OR56A1: variants seen among roughly 807,000 people sequenced by gnomAD.
OR56A1 encodes the protein olfactory receptor 56A1.
For synonymous variants in OR56A1, 174 were observed against 159.1 expected (o/e 1.09, Z -0.70); for missense variants, 360 against 380.9 (o/e 0.94, Z 0.46).
upstream of OR56A1, among the ~76,000 whole-genome samples, chr11:6,034,060 C>T (rs1015694143): frequency 6.6e-6 from 1 of 152,124 alleles, no homozygotes; most frequent in African/African-American, 2.4e-5. Context: ...ACATACCCTA[C>T]CCAAGTAAGA....
In OR56A1 at chr11:6,024,161, T is replaced by C. The variant is rs1049549557; in HGVS notation, c.*2587A>G. The C allele has an allele frequency of 6.6e-6, 1 of 152,204 alleles. No individual in the cohort carries two copies. The highest frequency in any genetic ancestry group is 2.4e-5 in the African/African-American group (1 of 41,446). The allele number at this position is 152,204 out of a possible 1,614,324, so 9.4% of individuals were successfully genotyped here. On this transcript the variant is annotated 3_prime_UTR_variant, in exon 2 of 2. Transcript: ENST00000641900. ...TTTTTCAACTCTTCTTTTAGCCAAT[T>C]CAATATCATAAGTAAGGAAATGTTT...
At chr11:6,033,772 A>C (rs1202370958), upstream of OR56A1, among the ~76,000 whole-genome samples, 1 of 152,194 alleles carries the variant, frequency 6.6e-6, no homozygotes, top group East Asian at 1.9e-4. Context: ...GAGAAATCAC[A>C]GAAAAAATGA....
chr11:6,022,861 C>T lies in OR56A1; in HGVS notation c.*3887G>A, dbSNP rs900930745. ...GGTGCAGAAATGTTGTTATTATATA[C>T]AGTACTCAGCCAAATGCTGATAGTG... On this transcript the variant is annotated 3_prime_UTR_variant, in exon 2 of 2. Coordinates refer to ENST00000641900, the MANE Select transcript of OR56A1 (RefSeq NM_001388488.1). The T allele has an allele frequency of 6.6e-6, 1 of 152,152 alleles. No individual in the cohort carries two copies. The highest frequency in any genetic ancestry group is 1.5e-5 in the Non-Finnish European group (1 of 68,020). 9.4% of individuals were successfully genotyped at this position (152,152 alleles called of 1,614,324 possible). A position where few individuals can be genotyped will look rare whatever the true frequency, so the allele number is the denominator to read the frequency against.
intron 1 of OR56A1, among the ~76,000 whole-genome samples, chr11:6,030,172 T>C (rs1042986041): frequency 6.6e-6 from 1 of 152,150 alleles, no homozygotes; most frequent in African/African-American, 2.4e-5. Flanking sequence ...CAAGTACTAT[T>C]ACCTCGAGTA....
upstream of OR56A1, among the ~76,000 whole-genome samples, chr11:6,032,935 C>T (rs1218342202): frequency 6.6e-6 from 1 of 152,086 alleles, no homozygotes. Context: ...TGAGTCTTCC[C>T]TCTGTTTGAA....
In OR56A1 at chr11:6,023,698, A is replaced by C. The variant is rs1363710613; in HGVS notation, c.*3050T>G. 2 of 152,198 alleles carry C rather than the reference A, an allele frequency of 1.3e-5. No individual in the cohort carries two copies. The highest frequency in any genetic ancestry group is 4.8e-5 in the African/African-American group (2 of 41,452). The allele number at this position is 152,198 out of a possible 1,614,324, so 9.4% of individuals were successfully genotyped here. ...ATATTCAGGTTGTATCAGCAAAGCA[A>C]ATCTTCATAGACTTCCTCAGTTTTG... On this transcript the variant is annotated 3_prime_UTR_variant, in exon 2 of 2. Coordinates refer to ENST00000641900, the MANE Select transcript of OR56A1 (RefSeq NM_001388488.1).
chr11:6,030,091 C>T (rs1479544807), intron 1 of OR56A1, among the ~76,000 whole-genome samples: 2 of 152,188 alleles, frequency 1.3e-5, no homozygotes, highest in Admixed American at 1.3e-4. Context: ...GATGAAACCA[C>T]TAAGACATGT....
upstream of OR56A1, among the ~76,000 whole-genome samples, chr11:6,033,476 G>A (rs1353731370): frequency 1.3e-5 from 2 of 151,406 alleles, no homozygotes; most frequent in East Asian, 1.9e-4. Flanking sequence ...AATGTCAGAA[G>A]TACAATGCCA....
Position 6,021,945 on chromosome 11 carries a change from A to C in OR56A1, c.*4803T>G, listed in dbSNP as rs952109988. 6.6e-6 allele frequency: 1 copy of C among 152,170 alleles called. No individual in the cohort carries two copies. The highest frequency in any genetic ancestry group is 1.5e-5 in the Non-Finnish European group (1 of 68,010). The allele number at this position is 152,170 out of a possible 1,614,324, so 9.4% of individuals were successfully genotyped here. ...CCAGTTGGAAATCATCTGCTCCGCCATTAATAGAGAGACAGAATATCACTG... is the reference window on the plus strand; with the variant it reads ...CCAGTTGGAAATCATCTGCTCCGCCCTTAATAGAGAGACAGAATATCACTG... On this transcript the variant is annotated 3_prime_UTR_variant, in exon 2 of 2. Coordinates refer to ENST00000641900, the MANE Select transcript of OR56A1 (RefSeq NM_001388488.1).
intron 1 of OR56A1, among the ~76,000 whole-genome samples, chr11:6,028,656 T>C (rs1848481441): frequency 6.6e-6 from 1 of 152,138 alleles, no homozygotes; most frequent in African/African-American, 2.4e-5. Flanking sequence ...GATGCCAACA[T>C]GTATAAGGGA....
rs1848393812 is a variant in OR56A1 at position 6,021,342 on chromosome 11, G to A, written c.*5406C>T. 6.6e-6 allele frequency: 1 copy of A among 151,904 alleles called. No homozygotes were observed. 9.4% of individuals were successfully genotyped at this position (151,904 alleles called of 1,614,324 possible). On this transcript the variant is annotated 3_prime_UTR_variant, in exon 2 of 2. Coordinates refer to ENST00000641900, the MANE Select transcript of OR56A1 (RefSeq NM_001388488.1). ...AGTACTAGTGTTTTACAGAACTAAA[G>A]GATGATAATAGTCAACAATATATTG...
In OR56A1 at chr11:6,026,971, A is replaced by T; in HGVS notation, c.722T>A (p.Leu241Gln). Reference sequence around the variant, plus strand: ...GATGAAGTGGGAGCCACATGTGCTCAGGGCCTTCACTGCCGCCCCCTCTGC... The same window carrying T: ...GATGAAGTGGGAGCCACATGTGCTCTGGGCCTTCACTGCCGCCCCCTCTGC... ...FKAEGAAVKALSTCGSHFILI... is the reference protein window; with the variant it reads ...FKAEGAAVKAQSTCGSHFILI... The change falls in exon 2 of 2, where the codon CTG (leucine) becomes CAG (glutamine). Residue 241 changes from leucine (L) to glutamine (Q), a missense_variant. Physicochemically the swap from Leu to Gln is moderately radical, Grantham distance 113. Coordinates refer to ENST00000641900, the MANE Select transcript of OR56A1 (RefSeq NM_001388488.1). 1 of 1,614,146 alleles carries T rather than the reference A, an allele frequency of 6.2e-7. No individual in the cohort carries two copies. Among genetic ancestry groups the T allele is most frequent in the African/African-American group, 1.3e-5 (1 of 75,078 alleles).
chr11:6,026,611 G>T lies in OR56A1; in HGVS notation c.*137C>A. The T allele has an allele frequency of 1.6e-6, 1 of 606,598 alleles. No individual in the cohort carries two copies. Among genetic ancestry groups the T allele is most frequent in the Non-Finnish European group, 2.9e-6 (1 of 347,708 alleles). 37.6% of individuals were successfully genotyped at this position (606,598 alleles called of 1,614,324 possible). On this transcript the variant is annotated 3_prime_UTR_variant, in exon 2 of 2. Transcript: ENST00000641900. ...ACCTGAACTAGGCAAGGAAAGTAAA[G>T]GAAGGAATCTGGTTCAGTAATGAAG...
chr11:6,033,168 C>T (rs952758923), upstream of OR56A1, among the ~76,000 whole-genome samples: 3 of 152,062 alleles, frequency 2.0e-5, no homozygotes, highest in African/African-American at 7.2e-5. Context: ...CTTGCCTCCA[C>T]CCATCCAGTG....
rs1848399546 is a variant in OR56A1, at chr11:6,021,803, A to G, written c.*4945T>C. 1 of 152,076 alleles carries G rather than the reference A, an allele frequency of 6.6e-6. No homozygotes were observed. The highest frequency in any genetic ancestry group is 1.5e-5 in the Non-Finnish European group (1 of 67,982). 9.4% of individuals were successfully genotyped at this position (152,076 alleles called of 1,614,324 possible). ...AGAGTTCCTCCTAGAGAACGCAAACAATGTCTAGTCAAGAAACTTGTCCCC... is the reference window on the plus strand; with the variant it reads ...AGAGTTCCTCCTAGAGAACGCAAACGATGTCTAGTCAAGAAACTTGTCCCC... On this transcript the variant is annotated 3_prime_UTR_variant, in exon 2 of 2. Coordinates refer to ENST00000641900, the MANE Select transcript of OR56A1 (RefSeq NM_001388488.1).
chr11:6,024,574 A>G lies in OR56A1; in HGVS notation c.*2174T>C, dbSNP rs571202427. 3.3e-4 allele frequency: 51 copies of G among 152,344 alleles called. No individual in the cohort carries two copies. Among genetic ancestry groups the G allele is most frequent in the African/African-American group, 1.2e-3 (48 of 41,578 alleles). The allele number at this position is 152,344 out of a possible 1,614,324, so 9.4% of individuals were successfully genotyped here. On this transcript the variant is annotated 3_prime_UTR_variant, in exon 2 of 2. Transcript: ENST00000641900. ...ATATTCCTATGAATTATATCCTATT[A>G]GATTCCTTTTTAAAAACTCACTTTT...
chr11:6,034,187 AAG>A (rs1361871959), upstream of OR56A1: 2 of 152,200 alleles, frequency 1.3e-5, no homozygotes, highest in African/African-American at 4.8e-5. Flanking sequence ...CTCTGCCTAT[AAG>A]GAAAGGATCC....
chr11:6,026,880 GA>G lies in OR56A1; in HGVS notation c.812del (p.Val271AlafsTer6). On this transcript the variant is annotated frameshift_variant, in exon 2 of 2. Coordinates refer to ENST00000641900, the MANE Select transcript of OR56A1 (RefSeq NM_001388488.1). LOFTEE classifies it low-confidence loss of function (END_TRUNC). ...VVLTNVARKK[V>X]PMDILILLNV... The stretch of plus-strand genomic sequence containing the variant: ...TCAGCAGGATCAGGATGTCCATGGG[GA>G]CCTTCTTTCTGGCCACGTTTGTCAA... 6.2e-7 allele frequency: 1 copy of G among 1,614,140 alleles called. No homozygotes were observed. Among genetic ancestry groups the G allele is most frequent in the Non-Finnish European group, 8.5e-7 (1 of 1,179,942 alleles).
In OR56A1 at chr11:6,027,287, G is replaced by T. The variant is rs750443675; in HGVS notation, c.406C>A (p.Pro136Thr). The T allele has an allele frequency of 1.2e-6, 2 of 1,614,188 alleles. No individual in the cohort carries two copies. Among genetic ancestry groups the T allele is most frequent in the Non-Finnish European group, 1.7e-6 (2 of 1,180,032 alleles). ...ACAAATTGATTAGTGATGATGGATG[G>T]GTACCGCAGTGGGTGGCAGATGGCC... ...YVAICHPLRY[P>T]SIITNQFVAK... is the part of the protein sequence containing the mutation. The change falls in exon 2 of 2, where the codon CCA becomes ACA. Residue 136 changes from proline (P) to threonine (T), a missense_variant. Transcript: ENST00000641900.
Sources: allele counts gnomAD v4.1 joint callset (sites outside exome capture counted in the v4.1 genomes callset), GRCh38; gene constraint gnomAD v4.1.1; transcripts MANE v1.5; gene names NCBI Gene and HGNC (gene_info 2026-07-23, HGNC 2026-07-21).